The following CDH13 variants were observed in gnomAD, a reference collection of about 807,000 sequenced individuals.
CDH13 encodes cadherin 13, also known as cadherin-13.
CDH13 carries 24 observed loss-of-function variants against 63.8 expected under a neutral mutation model. The observed-to-expected ratio is 0.38, with a 90% CI of 0.27 to 0.53. The LOEUF is 0.53. Ranked by LOEUF, CDH13 falls within the 20% of genes least tolerant of loss-of-function variation. CDH13 has a pLI of 0.85. For synonymous variants in CDH13, 503 were observed against 355.3 expected (o/e 1.42, Z -4.67); for missense variants, 1,049 against 903.1 (o/e 1.16, Z -2.07).
At chr16:83,781,544 ATT>A (rs889625541) in intron 12 of CDH13, among the ~76,000 whole-genome samples, 31 of 151,652 alleles carry the variant, frequency 2.0e-4, no homozygotes, top group Non-Finnish European at 3.7e-4. Context: ...CTCATATCTC[ATT>A]TTTTTAGTGC....
intron 2 of CDH13, among the ~76,000 whole-genome samples, chr16:83,025,555 A>T (rs568899246): frequency 6.6e-6 from 1 of 152,194 alleles, no homozygotes; most frequent in Admixed American, 6.5e-5. Context: ...ATTACCTCCC[A>T]TCGGCTTCCT....
At chr16:82,697,816 C>G (rs1482586238) in intron 1 of CDH13, among the ~76,000 whole-genome samples, 1 of 150,450 alleles carries the variant, frequency 6.6e-6, no homozygotes, top group Non-Finnish European at 1.5e-5. Flanking sequence ...CAAAACATAG[C>G]CAAATGGTTT....
intron 2 of CDH13, among the ~76,000 whole-genome samples, chr16:83,015,125 A>G (rs545660895): frequency 1.3e-5 from 2 of 152,080 alleles, no homozygotes; most frequent in African/African-American, 4.8e-5. Flanking sequence ...CAAATTTGGT[A>G]GAATAATTTA....
chr16:83,690,104 C>T lies in CDH13; in HGVS notation c.1538+11643C>T, dbSNP rs116969226. 5.9e-3 allele frequency among the ~76,000 whole-genome samples: 897 copies of T among 152,088 alleles called. 6 individuals are homozygous for T. Among genetic ancestry groups the T allele is most frequent in the Non-Finnish European group, 7.2e-3 (492 of 68,008 alleles). ...AGAAGAACCACTTGAACCCGGGAGG[C>T]GGAGATGGTGGTGAGCCAAGATCAC... On this transcript the variant is annotated intron_variant, in intron 10 of 13. Transcript: ENST00000567109.
chr16:82,936,232 T>C (rs1324133162), intron 2 of CDH13, among the ~76,000 whole-genome samples: 1 of 152,134 alleles, frequency 6.6e-6, no homozygotes, highest in Non-Finnish European at 1.5e-5. Context: ...CAACTTTACA[T>C]TTTCTTTGTT....
intron 3 of CDH13, among the ~76,000 whole-genome samples, chr16:83,110,571 C>A (rs1001827914): frequency 6.6e-6 from 1 of 152,184 alleles, no homozygotes; most frequent in Non-Finnish European, 1.5e-5. Flanking sequence ...ACCGATCATG[C>A]TGCTACATAC....
At chr16:82,901,749 T>C (rs1357003799) in intron 2 of CDH13, among the ~76,000 whole-genome samples, 1 of 152,216 alleles carries the variant, frequency 6.6e-6, no homozygotes, top group African/African-American at 2.4e-5. Context: ...ATACGAACCA[T>C]ATACCAGGCC....
chr16:83,322,576 G>A (rs922904948), intron 5 of CDH13, among the ~76,000 whole-genome samples: 1 of 152,086 alleles, frequency 6.6e-6, no homozygotes, highest in Non-Finnish European at 1.5e-5. Context: ...TTATGGGGGG[G>A]TGCAGCAGTA....
At chr16:83,780,817 C>T (rs1384968011) in intron 12 of CDH13, among the ~76,000 whole-genome samples, 2 of 152,356 alleles carry the variant, frequency 1.3e-5, no homozygotes, top group African/African-American at 2.4e-5. Context: ...TCTGCTTCTC[C>T]CCAGCTATCT....
intron 1 of CDH13, among the ~76,000 whole-genome samples, chr16:82,646,802 A>G (rs951489537): frequency 1.3e-5 from 2 of 152,192 alleles, no homozygotes; most frequent in Non-Finnish European, 2.9e-5. Flanking sequence ...GAGAATTGCA[A>G]TTAAGCCAGA....
intron 2 of CDH13, among the ~76,000 whole-genome samples, chr16:82,875,909 G>A (rs2040489073): frequency 6.6e-6 from 1 of 152,152 alleles, no homozygotes; most frequent in African/African-American, 2.4e-5. Context: ...AAGGTTTATT[G>A]GACTTACAGT....
intron 7 of CDH13, chr16:83,508,319 TAG>T (rs907693359): frequency 9.1e-5 from 14 of 154,664 alleles, no homozygotes; most frequent in Admixed American, 3.3e-4. Context: ...GGTAAAAAAT[TAG>T]AGAGAAGTTT....
intron 6 of CDH13, among the ~76,000 whole-genome samples, chr16:83,445,559 G>A (rs2072662752): frequency 6.6e-6 from 1 of 152,020 alleles, no homozygotes; most frequent in African/African-American, 2.4e-5. Flanking sequence ...TTCCACAAAG[G>A]CGCAACCAGA....
chr16:82,874,495 T>C (rs890244379), intron 2 of CDH13, among the ~76,000 whole-genome samples: 3 of 152,098 alleles, frequency 2.0e-5, no homozygotes, highest in East Asian at 1.9e-4. Flanking sequence ...TCTTTTCCAT[T>C]TGAAGCCAAA....
intron 7 of CDH13, among the ~76,000 whole-genome samples, chr16:83,516,605 G>T (rs975816688): frequency 7.2e-5 from 11 of 152,166 alleles, no homozygotes; most frequent in African/African-American, 9.7e-5. Flanking sequence ...CCCTTATCAT[G>T]TTGAGGAGAA....
intron 2 of CDH13, among the ~76,000 whole-genome samples, chr16:82,977,890 G>A (rs1036548355): frequency 1.3e-5 from 2 of 152,166 alleles, no homozygotes; most frequent in Non-Finnish European, 2.9e-5. Flanking sequence ...GAAGATGTGG[G>A]AGTTTAGAAC....
intron 10 of CDH13, among the ~76,000 whole-genome samples, chr16:83,693,293 T>A (rs180914014): frequency 3.3e-5 from 5 of 152,130 alleles, no homozygotes; most frequent in Non-Finnish European, 7.4e-5. Context: ...GGATACAGAA[T>A]AAAAGAATTC....
intron 1 of CDH13, among the ~76,000 whole-genome samples, chr16:82,675,268 G>C (rs545436175): frequency 6.6e-6 from 1 of 152,292 alleles, no homozygotes; most frequent in South Asian, 2.1e-4. Flanking sequence ...ATGTGAAATA[G>C]AACCTGAGAT....
chr16:82,801,323 C>T (rs1042089447), intron 1 of CDH13, among the ~76,000 whole-genome samples: 1 of 152,216 alleles, frequency 6.6e-6, no homozygotes, highest in African/African-American at 2.4e-5. Flanking sequence ...CTTTGAAGAT[C>T]TATCTAACCT....
Sources: gnomAD v4.1 joint callset for allele counts (sites outside exome capture counted in the v4.1 genomes callset) on GRCh38, gnomAD v4.1.1 for gene constraint, MANE v1.5 for transcripts, NCBI Gene and HGNC (gene_info 2026-07-23, HGNC 2026-07-21) for gene names.